The following ZNF782 variants were observed in gnomAD, a reference collection of about 807,000 sequenced individuals.
The protein encoded by ZNF782 is zinc finger protein 782.
ZNF782 carries 12 observed loss-of-function variants against 13.0 expected under a neutral mutation model. The ratio of observed to expected loss-of-function variants is 0.92; its 90% CI spans 0.59 to 1.50. ZNF782 has a LOEUF of 1.50. ZNF782 is among the 40% of genes most tolerant of loss of function. The probability of loss-of-function intolerance (pLI) is 0.00; values close to 1 mark genes in which losing one functional copy is unlikely to be tolerated. For missense variants in ZNF782, 770 were observed against 822.9 expected, an observed-to-expected ratio of 0.94 and a Z score of 0.79; for synonymous variants, 284 against 283.0, an observed-to-expected ratio of 1.00 and a Z score of -0.04.
chr9:96,902,868 T>C, the ZNF782 span: 1 of 150,740 alleles, frequency 6.6e-6, no homozygotes, highest in Non-Finnish European at 1.5e-5. Flanking sequence ...ACTGGCATGA[T>C]CACAGCTCAC....
At chr9:96,917,887 C>CGTGTGTGTGTCTGTGT in the ZNF782 span, among the ~76,000 whole-genome samples, 47 of 121,714 alleles carry the variant, frequency 3.9e-4, 1 homozygote, top group Admixed American at 1.0e-3. Flanking sequence ...CCACCCTTGG[C>CGTGTGTGTGTCTGTGT]GTGTGTGTGT....
the ZNF782 span, chr9:96,891,055 T>C: frequency 6.6e-6 from 1 of 152,312 alleles, no homozygotes; most frequent in South Asian, 2.1e-4. Context: ...ATTCCACTTA[T>C]ATGAGGTACC....
At chr9:96,864,842 G>A (rs1003413019) in intron 1 of ZNF782, among the ~76,000 whole-genome samples, 2 of 147,584 alleles carry the variant, frequency 1.4e-5, no homozygotes, top group African/African-American at 5.1e-5. Context: ...GGCCAGCCTG[G>A]GCAAAAAGTG....
At chr9:96,887,784 A>C in the ZNF782 span, 1 of 152,136 alleles carries the variant, frequency 6.6e-6, no homozygotes. Flanking sequence ...TCCAACAATG[A>C]TAGACTGGAT....
intron 1 of ZNF782, among the ~76,000 whole-genome samples, chr9:96,866,088 G>A (rs539758332): frequency 6.6e-6 from 1 of 152,280 alleles, no homozygotes; most frequent in African/African-American, 2.4e-5. Context: ...ATTTTCTGAG[G>A]AGAAATTCAA....
the ZNF782 span, among the ~76,000 whole-genome samples, chr9:96,910,849 T>C: frequency 4.1e-3 from 618 of 149,806 alleles, 6 homozygotes; most frequent in South Asian, 7.2e-3. Flanking sequence ...TGTTAGCCAG[T>C]ATGGTCTCGA....
upstream of ZNF782, among the ~76,000 whole-genome samples, chr9:96,879,136 T>C (rs145837955): frequency 1.3e-5 from 2 of 151,678 alleles, no homozygotes; most frequent in East Asian, 3.9e-4. Flanking sequence ...GCTGGCATAA[T>C]AACAAGGAAT....
chr9:96,819,299 AT>A lies in ZNF782; in HGVS notation c.723del (p.Lys241AsnfsTer24), dbSNP rs1483611223. The A allele has an allele frequency of 2.5e-6, 4 of 1,612,508 alleles. No individual in the cohort carries two copies. The highest frequency in any genetic ancestry group is 3.3e-5 in the Admixed American group (2 of 59,754). On this transcript the variant is annotated frameshift_variant, in exon 6 of 6. Coordinates refer to ENST00000481138, the MANE Select transcript of ZNF782 (RefSeq NM_001001662.3). LOFTEE classifies it low-confidence loss of function (END_TRUNC). The stretch of plus-strand genomic sequence containing the variant: ...TCCCCAAATTTATTGAAATTGTAAG[AT>A]TTTCCTTTTGGGTGGGTACTGTTAG... Reference protein sequence around the residue: ...VTSNSTHPKGKSYNFNKFGEN... With the variant: ...VTSNSTHPKGXSYNFNKFGEN...
At chr9:96,903,557 T>TG in the ZNF782 span, among the ~76,000 whole-genome samples, 2 of 5,388 alleles carry the variant, frequency 3.7e-4, no homozygotes, top group African/African-American at 4.6e-4. Flanking sequence ...TTTATGTTGG[T>TG]TTTTTTTTTT....
At position 96,818,102 on chromosome 9, in the gene ZNF782, T is replaced by C. The variant is rs1264847183; in HGVS notation, c.1921A>G (p.Thr641Ala). 2.5e-6 allele frequency: 4 copies of C among 1,613,974 alleles called. No individual in the cohort carries two copies. In the South Asian group the frequency reaches 3.3e-5, roughly 13 times the overall value. Residue 641 changes from threonine to alanine, a missense_variant, in exon 6 of 6, where the codon ACC (threonine) becomes GCC (alanine). By Grantham distance (58) the Thr-to-Ala change is moderately conservative. Coordinates refer to ENST00000481138, the MANE Select transcript of ZNF782 (RefSeq NM_001001662.3). Reference sequence around the variant, plus strand: ...TTACAATTATATGGTTTCTCCCCGGTGTGAGTTCGCTGATGTTTTCTTAGG... The same window carrying C: ...TTACAATTATATGGTTTCTCCCCGGCGTGAGTTCGCTGATGTTTTCTTAGG... ...SVLRKHQRTH[T>A]GEKPYNCNQC...
chr9:96,891,454 C>G, the ZNF782 span: 1 of 152,074 alleles, frequency 6.6e-6, no homozygotes, highest in African/African-American at 2.4e-5. Context: ...TGAATTTTGA[C>G]AGATGTATAT....
At chr9:96,823,732 CT>C (rs1179950326) in intron 5 of ZNF782, among the ~76,000 whole-genome samples, 64 of 152,222 alleles carry the variant, frequency 4.2e-4, no homozygotes, top group African/African-American at 1.4e-3. Flanking sequence ...TAAAATATAC[CT>C]CTTTAACAAA....
chr9:96,900,745 C>T, the ZNF782 span, among the ~76,000 whole-genome samples: 1 of 152,358 alleles, frequency 6.6e-6, no homozygotes, highest in Non-Finnish European at 1.5e-5. Flanking sequence ...CTGTCTCAAA[C>T]AAAACAAAAC....
At chr9:96,899,229 T>C in the ZNF782 span, among the ~76,000 whole-genome samples, 6,491 of 149,528 alleles carry the variant, frequency 0.043, 422 homozygotes, top group African/African-American at 0.15. Context: ...CAAGCCTAGG[T>C]GACAGAGTGA....
intron 4 of ZNF782, among the ~76,000 whole-genome samples, chr9:96,835,083 A>C (rs1424821130): frequency 6.6e-6 from 1 of 152,244 alleles, no homozygotes; most frequent in Non-Finnish European, 1.5e-5. Context: ...CTTTTTACAC[A>C]GTAGCAAAGA....
At position 96,839,277 on chromosome 9, in the gene ZNF782, C is replaced by CTTT. The variant is rs201411107; in HGVS notation, c.142+5610_142+5612dup. Among the ~76,000 whole-genome samples, 111 of 100,228 alleles carry CTTT rather than the reference C, an allele frequency of 1.1e-3. 4 individuals are homozygous for CTTT. The highest frequency in any genetic ancestry group is 2.7e-3 in the East Asian group (10 of 3,740). 65.8% of individuals were successfully genotyped at this position (100,228 alleles called of 152,430 possible). ...TAGAGGAAGCAGGCTTTACTTGGGA[C>CTTT]TTTTTTTTTTTTTTTTTTTTTGTCT... On this transcript the variant is annotated intron_variant, in intron 4 of 5. Coordinates refer to ENST00000481138, the MANE Select transcript of ZNF782 (RefSeq NM_001001662.3).
rs140660664 is a variant in ZNF782 at position 96,818,394 on chromosome 9, G to A, written c.1629C>T (p.Phe543=). 2.7e-5 allele frequency: 43 copies of A among 1,614,008 alleles called. No individual in the cohort carries two copies. Among genetic ancestry groups the A allele is most frequent in the African/African-American group, 2.0e-4 (15 of 74,990 alleles). ...PYKCNQCGKA[F]GQKSQLRGHH... is the part of the protein sequence containing the mutation. Reference sequence around the variant, plus strand: ...GTCCTCTGAGTTGTGATTTCTGACCGAAAGCTTTTCCACACTGATTACATT... The same window carrying A: ...GTCCTCTGAGTTGTGATTTCTGACCAAAAGCTTTTCCACACTGATTACATT... The change falls in exon 6 of 6, where the codon TTC becomes TTT. Residue 543 remains phenylalanine (F), a synonymous_variant. Transcript: ENST00000481138.
intron 5 of ZNF782, among the ~76,000 whole-genome samples, chr9:96,826,389 G>C (rs1189163721): frequency 6.6e-6 from 1 of 151,408 alleles, no homozygotes; most frequent in Admixed American, 6.6e-5. Flanking sequence ...TCACACTCTG[G>C]GGACTGTTGT....
intron 4 of ZNF782, among the ~76,000 whole-genome samples, chr9:96,837,880 A>T (rs1851050656): frequency 6.6e-6 from 1 of 152,124 alleles, no homozygotes; most frequent in African/African-American, 2.4e-5. Context: ...TGCCACCATG[A>T]TGCCTGGCTC....
Sources: allele counts gnomAD v4.1 joint callset (sites outside exome capture counted in the v4.1 genomes callset), GRCh38; gene constraint gnomAD v4.1.1; transcripts MANE v1.5; gene names NCBI Gene and HGNC (gene_info 2026-07-23, HGNC 2026-07-21).